PLSCR2: variants seen among roughly 807,000 people sequenced by gnomAD.
PLSCR2 encodes PL scramblase 2.
A neutral mutation model predicts 25.3 loss-of-function variants in PLSCR2; 18 were observed. The observed-to-expected ratio is 0.71, with a 90% CI of 0.49 to 1.06. The LOEUF is 1.06. Among genes scored for constraint, PLSCR2 ranks in the 50% least tolerant of loss-of-function variants. The pLI is 0.00. For missense variants in PLSCR2, 243 were observed against 269.5 expected (o/e 0.90, Z 0.69); for synonymous variants, 88 against 87.3 (o/e 1.01, Z -0.04).
intron 2 of PLSCR2, among the ~76,000 whole-genome samples, chr3:146,414,939 C>T (rs1279950280): frequency 3.3e-5 from 5 of 152,224 alleles, no homozygotes; most frequent in African/African-American, 1.2e-4. Context: ...TTTTCCTTTC[C>T]CATGAGAAGA....
At chr3:146,425,661 A>G (rs1441279117) in intron 2 of PLSCR2, among the ~76,000 whole-genome samples, 2 of 152,142 alleles carry the variant, frequency 1.3e-5, no homozygotes, top group Non-Finnish European at 2.9e-5. Flanking sequence ...GTTTCATATA[A>G]ATATGATGTT....
intron 2 of PLSCR2, chr3:146,416,720 C>T (rs1380844740): frequency 6.6e-6 from 1 of 152,156 alleles, no homozygotes; most frequent in Non-Finnish European, 1.5e-5. Context: ...TTTAGCTTTT[C>T]TACATTTAAT....
intron 6 of PLSCR2, among the ~76,000 whole-genome samples, chr3:146,443,347 A>T (rs2040360816): frequency 6.6e-6 from 1 of 151,940 alleles, no homozygotes; most frequent in African/African-American, 2.4e-5. Context: ...ATTGGTATTC[A>T]TTCTTTAAAT....
upstream of PLSCR2, among the ~76,000 whole-genome samples, chr3:146,464,390 T>C (rs1004964218): frequency 8.3e-4 from 127 of 152,316 alleles, no homozygotes; most frequent in African/African-American, 2.9e-3. Flanking sequence ...CTGACTAATA[T>C]GATGAGTCTA....
intron 1 of PLSCR2, among the ~76,000 whole-genome samples, chr3:146,480,057 T>C (rs1056389465): frequency 3.3e-5 from 5 of 152,140 alleles, no homozygotes; most frequent in African/African-American, 1.2e-4. Context: ...AGACAAAGTG[T>C]ACCAGAATTT....
downstream of PLSCR2, among the ~76,000 whole-genome samples, chr3:146,432,374 T>G (rs902322605): frequency 6.6e-6 from 1 of 152,136 alleles, no homozygotes; most frequent in Admixed American, 6.6e-5. Context: ...ACAAGCCCAG[T>G]TGATTTGAGT....
At chr3:146,454,258 C>A in intron 4 of PLSCR2, 95 bp from the exon 5 acceptor site, 2 of 858,916 alleles carry the variant, frequency 2.3e-6, no homozygotes, top group Non-Finnish European at 3.4e-6. Context: ...AAGTGCCAGA[C>A]ATTGTAAGTG....
chr3:146,430,412 A>G (rs1259832662), downstream of PLSCR2, among the ~76,000 whole-genome samples: 1 of 152,166 alleles, frequency 6.6e-6, no homozygotes, highest in Non-Finnish European at 1.5e-5. Context: ...GGTGGGTAAT[A>G]ACAAGGGCAG....
chr3:146,406,567 G>T (rs1179179305), intron 2 of PLSCR2, among the ~76,000 whole-genome samples: 3 of 152,088 alleles, frequency 2.0e-5, no homozygotes, highest in African/African-American at 7.2e-5. Flanking sequence ...GGACATAACA[G>T]GCAAAAACAA....
At chr3:146,427,999 A>C (rs2039414806) in intron 2 of PLSCR2, among the ~76,000 whole-genome samples, 1 of 152,164 alleles carries the variant, frequency 6.6e-6, no homozygotes, top group African/African-American at 2.4e-5. Context: ...CATTTATATG[A>C]GTGACTATCT....
chr3:146,493,782 C>CTTTTTT (rs1560066124), intron 1 of PLSCR2, among the ~76,000 whole-genome samples: 1 of 51,922 alleles, frequency 1.9e-5, no homozygotes, highest in Admixed American at 2.1e-4. Context: ...TCCAAGGTGG[C>CTTTTTT]GTTTTTTTTT....
In PLSCR2 at chr3:146,449,317, C is replaced by T. The variant is rs772712537; in HGVS notation, c.534G>A (p.Trp178Ter). ...TAAATGCCTCTCTTAAAAACCCAGA[C>T]CAGTGCTTAGAAATCCTGCCAACCA... Residue 178 changes from tryptophan (W) to a stop codon, truncating the protein, a stop_gained, in exon 6 of 7, where the codon TGG becomes TGA. Coordinates refer to ENST00000610787, the Ensembl canonical transcript of PLSCR2. LOFTEE classifies it high-confidence loss of function. The T allele has an allele frequency of 1.2e-6, 2 of 1,610,628 alleles. No individual in the cohort carries two copies. Among genetic ancestry groups the T allele is most frequent in the Middle Eastern group, 1.7e-4 (1 of 6,050 alleles).
intron 2 of PLSCR2, among the ~76,000 whole-genome samples, chr3:146,404,527 G>T (rs945954633): frequency 6.6e-6 from 1 of 152,054 alleles, no homozygotes; most frequent in African/African-American, 2.4e-5. Context: ...GAAGTTTGGG[G>T]GATGCATTCA....
At chr3:146,486,687 CA>C (rs548360966) in intron 1 of PLSCR2, among the ~76,000 whole-genome samples, 6 of 149,508 alleles carry the variant, frequency 4.0e-5, no homozygotes, top group African/African-American at 1.5e-4. Flanking sequence ...AATTGCCTAC[CA>C]AAAAAAAACC....
chr3:146,489,584 A>G (rs1001105947), intron 1 of PLSCR2, among the ~76,000 whole-genome samples: 1 of 152,158 alleles, frequency 6.6e-6, no homozygotes, highest in Non-Finnish European at 1.5e-5. Flanking sequence ...GTAACAAATT[A>G]ACACAAACAG....
intron 6 of PLSCR2, among the ~76,000 whole-genome samples, chr3:146,448,386 T>A (rs963099122): frequency 7.9e-5 from 12 of 152,370 alleles, no homozygotes; most frequent in Admixed American, 5.2e-4. Context: ...ACCAAATTAA[T>A]GTTTAAGATC....
intron 2 of PLSCR2, among the ~76,000 whole-genome samples, chr3:146,424,533 G>A (rs1330468941): frequency 6.6e-6 from 1 of 152,098 alleles, no homozygotes; most frequent in Admixed American, 6.6e-5. Flanking sequence ...GTGGTAGATG[G>A]TTATGCCAGC....
chr3:146,409,911 C>T (rs2038789334), intron 2 of PLSCR2, among the ~76,000 whole-genome samples: 1 of 152,092 alleles, frequency 6.6e-6, no homozygotes, highest in Non-Finnish European at 1.5e-5. Context: ...ACTACAACAG[C>T]TAATACCACT....
At chr3:146,476,743 G>A (rs948442848) in intron 1 of PLSCR2, among the ~76,000 whole-genome samples, 2 of 152,212 alleles carry the variant, frequency 1.3e-5, no homozygotes, top group South Asian at 2.1e-4. Flanking sequence ...GGCAGATCAC[G>A]ACCAGACTGC....
Sources: gnomAD v4.1 joint callset for allele counts (sites outside exome capture counted in the v4.1 genomes callset) on GRCh38, gnomAD v4.1.1 for gene constraint, MANE v1.5 for transcripts, NCBI Gene and HGNC (gene_info 2026-07-23, HGNC 2026-07-21) for gene names.